PXDNL: variants seen among roughly 807,000 people sequenced by gnomAD.
PXDNL encodes peroxidasin like, also known as probable oxidoreductase PXDNL.
A neutral mutation model predicts 150.8 loss-of-function variants in PXDNL; 145 were observed. That is an observed-to-expected ratio of 0.96 (90% CI 0.84 to 1.10). The LOEUF is 1.10. Among genes scored for constraint, PXDNL ranks in the 50% least tolerant of loss-of-function variants. The pLI is 0.00. For synonymous variants in PXDNL, 757 were observed against 725.7 expected (o/e 1.04, Z -0.69); for missense variants, 2,087 against 1,873.9 (o/e 1.11, Z -2.10).
chr8:51,535,588 C>A (rs868554279), intron 4 of PXDNL, among the ~76,000 whole-genome samples: 1 of 131,254 alleles, frequency 7.6e-6, no homozygotes, highest in Non-Finnish European at 1.6e-5. Flanking sequence ...TGCGGAAGGC[C>A]GCAGGGTCCT....
At chr8:51,423,845 G>C (rs1255328364) in intron 13 of PXDNL, 114 bp from the exon 14 acceptor site, 1 of 911,082 alleles carries the variant, frequency 1.1e-6, no homozygotes. Context: ...CACGTTTGCT[G>C]TGTGTCAAGT....
At chr8:51,802,767 C>A (rs540078389) in intron 1 of PXDNL, among the ~76,000 whole-genome samples, 18 of 152,292 alleles carry the variant, frequency 1.2e-4, no homozygotes, top group Middle Eastern at 3.4e-3. Context: ...GTGATATACC[C>A]CTTCATGCAT....
rs113954539 is a variant in PXDNL, at chr8:51,438,742, C to A, written c.1525+8262G>T. 6.4e-3 allele frequency among the ~76,000 whole-genome samples: 977 copies of A among 152,180 alleles called. 4 individuals are homozygous for A. The highest frequency in any genetic ancestry group is 0.022 in the African/African-American group (923 of 41,508). ...AAAAATGGCACATAAACCAATGGAA[C>A]AGAATAGAGAACCCAGAAATTAAGC... On this transcript the variant is annotated intron_variant, in intron 12 of 22. Transcript: ENST00000356297.
At chr8:51,441,237 GC>G (rs1809540872) in intron 12 of PXDNL, among the ~76,000 whole-genome samples, 1 of 152,032 alleles carries the variant, frequency 6.6e-6, no homozygotes, top group Non-Finnish European at 1.5e-5. Flanking sequence ...GTTTCCTGAG[GC>G]CTCCCCAGCC....
chr8:51,408,808 C>G lies in PXDNL; in HGVS notation c.2816G>C (p.Gly939Ala). The change falls in exon 17 of 23, where the codon GGC becomes GCC. Residue 939 changes from glycine (G) to alanine (A), a missense_variant. Gly to Ala is a moderately conservative substitution (Grantham distance 60). Transcript: ENST00000356297. ...CTGTCGCGCGCACTCGGTGGGTGGGCCTGTAGAAAAGGGCAATAAGGGCTT... is the reference window on the plus strand; with the variant it reads ...CTGTCGCGCGCACTCGGTGGGTGGGGCTGTAGAAAAGGGCAATAAGGGCTT... Reference protein sequence around the residue: ...SGKPLLPFSTGPPTECARQEQ... With the variant: ...SGKPLLPFSTAPPTECARQEQ... 1 of 1,569,368 alleles carries G rather than the reference C, an allele frequency of 6.4e-7. No homozygotes were observed. The highest frequency in any genetic ancestry group is 8.6e-7 in the Non-Finnish European group (1 of 1,158,698).
rs115473105 is a variant in PXDNL at position 51,727,694 on chromosome 8, A to C, written c.165-72934T>G. ...AAACACCTAGACTCAGTCAACCACA[A>C]ACAGTCAAGCACCAGGTTAGCTGTG... On this transcript the variant is annotated intron_variant, in intron 1 of 22. Transcript: ENST00000356297. Among the ~76,000 whole-genome samples the C allele has an allele frequency of 3.6e-3, 547 of 152,300 alleles. 5 individuals are homozygous for C. The highest frequency in any genetic ancestry group is 0.012 in the African/African-American group (519 of 41,568).
At chr8:51,703,254 G>A (rs556141068) in intron 1 of PXDNL, among the ~76,000 whole-genome samples, 67 of 150,250 alleles carry the variant, frequency 4.5e-4, no homozygotes, top group African/African-American at 1.4e-3. Context: ...TAATTTAACA[G>A]TAGAGCACAG....
chr8:51,452,937 C>CACAT (rs1554541855), intron 10 of PXDNL, among the ~76,000 whole-genome samples: 1 of 149,966 alleles, frequency 6.7e-6, no homozygotes, highest in Non-Finnish European at 1.5e-5. Context: ...CACACACAAA[C>CACAT]ACACACACAC....
Position 51,504,774 on chromosome 8 carries a change from C to A in PXDNL, c.381-5004G>T, listed in dbSNP as rs560530483. 3.3e-5 allele frequency among the ~76,000 whole-genome samples: 5 copies of A among 152,296 alleles called. No individual in the cohort carries two copies. In the South Asian group the frequency reaches 1.0e-3, roughly 32 times the overall value. On this transcript the variant is annotated intron_variant, in intron 4 of 22. Transcript: ENST00000356297. ...AGTTGATCACTGAAAGAATGAATGA[C>A]CAGCCAGTATTTTTGCATGAGCATT...
chr8:51,658,857 AC>A (rs1255627065), intron 1 of PXDNL, among the ~76,000 whole-genome samples: 1 of 152,218 alleles, frequency 6.6e-6, no homozygotes, highest in Non-Finnish European at 1.5e-5. Context: ...ACAGTACTCC[AC>A]AGTGCAGACA....
At chr8:51,520,801 CA>C (rs11367980) in intron 4 of PXDNL, among the ~76,000 whole-genome samples, 33,974 of 148,472 alleles carry the variant, frequency 0.23, 4,715 homozygotes, top group African/African-American at 0.4. Context: ...GGCCCTCGAA[CA>C]AAAAAAAAAC....
intron 14 of PXDNL, among the ~76,000 whole-genome samples, chr8:51,420,529 T>A (rs1808920413): frequency 6.6e-6 from 1 of 152,226 alleles, no homozygotes; most frequent in African/African-American, 2.4e-5. Context: ...CATATAAATG[T>A]CCCAGAGACA....
intron 17 of PXDNL, among the ~76,000 whole-genome samples, chr8:51,401,813 G>T (rs190180550): frequency 2.0e-5 from 3 of 152,256 alleles, no homozygotes; most frequent in African/African-American, 7.2e-5. Flanking sequence ...TTGGGAAATG[G>T]TCTTACATGA....
At chr8:51,698,938 T>C (rs1362474664) in intron 1 of PXDNL, among the ~76,000 whole-genome samples, 1 of 152,204 alleles carries the variant, frequency 6.6e-6, no homozygotes, top group East Asian at 1.9e-4. Flanking sequence ...GAATCTTTTT[T>C]TCTGGGCAGT....
chr8:51,662,304 G>A (rs1563499422), intron 1 of PXDNL, among the ~76,000 whole-genome samples: 1 of 152,124 alleles, frequency 6.6e-6, no homozygotes, highest in Non-Finnish European at 1.5e-5. Context: ...CAGATCACAA[G>A]GTCAAGAGTT....
chr8:51,682,563 C>T (rs1304554287), intron 1 of PXDNL, among the ~76,000 whole-genome samples: 1 of 152,202 alleles, frequency 6.6e-6, no homozygotes, highest in Non-Finnish European at 1.5e-5. Context: ...GACTGGGCTG[C>T]ACATCTGCGA....
At chr8:51,474,763 C>G (rs552649338) in intron 7 of PXDNL, among the ~76,000 whole-genome samples, 1 of 152,314 alleles carries the variant, frequency 6.6e-6, no homozygotes, top group East Asian at 1.9e-4. Context: ...CTCAAAGACT[C>G]TCTCAGCTCT....
At chr8:51,354,956 C>G (rs1236279062) in intron 19 of PXDNL, among the ~76,000 whole-genome samples, 2 of 151,916 alleles carry the variant, frequency 1.3e-5, no homozygotes, top group Non-Finnish European at 2.9e-5. Flanking sequence ...CTATTATTTG[C>G]CCTTTTTCCT....
chr8:51,388,843 C>T (rs10104870), intron 17 of PXDNL, among the ~76,000 whole-genome samples: 73 of 152,176 alleles, frequency 4.8e-4, no homozygotes, highest in Middle Eastern at 3.4e-3. Flanking sequence ...TTCTAGTATG[C>T]TGTTTCACTA....
Sources: gnomAD v4.1 joint callset for allele counts (sites outside exome capture counted in the v4.1 genomes callset) on GRCh38, gnomAD v4.1.1 for gene constraint, MANE v1.5 for transcripts, NCBI Gene and HGNC (gene_info 2026-07-23, HGNC 2026-07-21) for gene names.